The following ROCK2 variants were observed in gnomAD, a reference collection of about 807,000 sequenced individuals.
The protein encoded by ROCK2 is rho-associated protein kinase 2.
ROCK2 carries 61 observed loss-of-function variants against 195.1 expected under a neutral mutation model. That is an observed-to-expected ratio of 0.31 (90% CI 0.25 to 0.39). The LOEUF (loss-of-function observed/expected upper bound fraction) is 0.39, where lower values mean the gene tolerates loss of function less well. ROCK2 is among the 10% of genes least tolerant of loss of function. The pLI, the probability that ROCK2 is intolerant of heterozygous loss-of-function variation, is 1.00. For synonymous variants in ROCK2, 504 were observed against 545.5 expected (o/e 0.92, Z 1.06); for missense variants, 1,109 against 1,637.4 (o/e 0.68, Z 5.57).
chr2:11,227,747 G>C (rs934687927), intron 5 of ROCK2, among the ~76,000 whole-genome samples: 13 of 152,038 alleles, frequency 8.6e-5, no homozygotes, highest in African/African-American at 3.1e-4. Flanking sequence ...GTGGTCTTAA[G>C]GACACTGACC....
At chr2:11,213,169 T>A (rs1456847404) in intron 17 of ROCK2, among the ~76,000 whole-genome samples, 2 of 152,214 alleles carry the variant, frequency 1.3e-5, no homozygotes, top group Non-Finnish European at 2.9e-5. Context: ...TTATTCCTTA[T>A]CAGCATTACT....
chr2:11,329,713 T>A (rs1031239870), intron 1 of ROCK2, among the ~76,000 whole-genome samples: 2 of 130,732 alleles, frequency 1.5e-5, no homozygotes, highest in Middle Eastern at 3.7e-3. Flanking sequence ...AAAAAAAAAA[T>A]TGCTTGCAGC....
intron 32 of ROCK2, among the ~76,000 whole-genome samples, chr2:11,190,864 G>A (rs1430803022): frequency 6.6e-6 from 1 of 152,106 alleles, no homozygotes. Context: ...TTTACAGAAG[G>A]CACTTGAAAT....
In ROCK2 at chr2:11,201,941, A is replaced by G; in HGVS notation, c.2619+111T>C. 1 of 785,282 alleles carries G rather than the reference A, an allele frequency of 1.3e-6. No homozygotes were observed. 48.6% of individuals were successfully genotyped at this position (785,282 alleles called of 1,614,324 possible). A position where few individuals can be genotyped will look rare whatever the true frequency, so the allele number is the denominator to read the frequency against. ...AATGATAATAAATTTCTCTTAAACT[A>G]TCTACATTCTTTTGCCCAGCTGCTC... On this transcript the variant is annotated intron_variant, in intron 21 of 32. Transcript: ENST00000315872. The surrounding 1 kb of genome is among the most constrained non-coding windows in gnomAD (Gnocchi z 4.6).
At chr2:11,254,311 A>T (rs1243886570) in intron 3 of ROCK2, among the ~76,000 whole-genome samples, 1 of 152,194 alleles carries the variant, frequency 6.6e-6, no homozygotes, top group Non-Finnish European at 1.5e-5. Flanking sequence ...CTCTGATAAA[A>T]GTCAATATTG....
intron 1 of ROCK2, among the ~76,000 whole-genome samples, chr2:11,312,426 C>A (rs1668065178): frequency 1.3e-5 from 2 of 151,934 alleles, no homozygotes; most frequent in Admixed American, 1.3e-4. Flanking sequence ...CCTTAAAAAT[C>A]CCCCTCTCCT....
intron 16 of ROCK2, 59 bp downstream of exon 16, chr2:11,214,781 A>G: frequency 1.4e-6 from 2 of 1,473,136 alleles, no homozygotes; most frequent in Non-Finnish European, 1.8e-6. Flanking sequence ...CATCATCTAA[A>G]GTTATTTTTA....
intron 3 of ROCK2, among the ~76,000 whole-genome samples, chr2:11,259,080 A>T (rs943452339): frequency 2.6e-5 from 4 of 151,330 alleles, no homozygotes; most frequent in Non-Finnish European, 5.9e-5. Flanking sequence ...AGAAAGTTTG[A>T]GCTTTTAAGG....
intron 3 of ROCK2, among the ~76,000 whole-genome samples, chr2:11,266,509 A>G (rs1426485017): frequency 6.6e-6 from 1 of 152,200 alleles, no homozygotes; most frequent in African/African-American, 2.4e-5. Flanking sequence ...TGAGAATTCT[A>G]TCTGTAGAAA....
intron 1 of ROCK2, among the ~76,000 whole-genome samples, chr2:11,328,125 T>A (rs1668603048): frequency 6.6e-6 from 1 of 152,210 alleles, no homozygotes. Flanking sequence ...GTCCATCATC[T>A]ATGAGCCATA....
rs189379659 is a variant in ROCK2 at position 11,335,160 on chromosome 2, C to T, written c.141+8836G>A. ...ACACACACACACACAGACACACACA[C>T]GGAAGGGGAAGGCGGGGAATGAGAG... On this transcript the variant is annotated intron_variant, in intron 1 of 32. Coordinates refer to ENST00000315872, the MANE Select transcript of ROCK2 (RefSeq NM_004850.5). 3.9e-3 allele frequency among the ~76,000 whole-genome samples: 587 copies of T among 150,856 alleles called. 1 individual carries two copies. Among genetic ancestry groups the T allele is most frequent in the African/African-American group, 0.013 (525 of 41,022 alleles).
At chr2:11,183,739 CTTAG>C (rs1663090814) in intron 32 of ROCK2, among the ~76,000 whole-genome samples, 1 of 61,424 alleles carries the variant, frequency 1.6e-5, no homozygotes, top group Admixed American at 1.9e-4. Flanking sequence ...CACAGAATAA[CTTAG>C]AAGATAAAAG....
intron 1 of ROCK2, among the ~76,000 whole-genome samples, chr2:11,294,325 C>A (rs761858554): frequency 2.6e-5 from 4 of 152,154 alleles, no homozygotes; most frequent in Non-Finnish European, 5.9e-5. Context: ...GATAATAAAG[C>A]AGCTGCTATT....
At position 11,201,662 on chromosome 2, in the gene ROCK2, C is replaced by T. The variant is rs1182322255; in HGVS notation, c.2620-249G>A. ...CAGTGATATTTCTCATTTAATAGCACAGATAGGTAAAATGAATAAGGAGGC... is the reference window on the plus strand; with the variant it reads ...CAGTGATATTTCTCATTTAATAGCATAGATAGGTAAAATGAATAAGGAGGC... On this transcript the variant is annotated intron_variant, in intron 21 of 32. Transcript: ENST00000315872. This position sits in a 1 kb window ranked among gnomAD's most constrained non-coding sequence, Gnocchi z 4.6. 6.6e-6 allele frequency among the ~76,000 whole-genome samples: 1 copy of T among 151,948 alleles called. No homozygotes were observed. Among genetic ancestry groups the T allele is most frequent in the African/African-American group, 2.4e-5 (1 of 41,366 alleles).
At chr2:11,266,608 A>G (rs747854132) in intron 3 of ROCK2, among the ~76,000 whole-genome samples, 6 of 152,170 alleles carry the variant, frequency 3.9e-5, no homozygotes, top group Non-Finnish European at 4.4e-5. Flanking sequence ...CTATTATAAA[A>G]CTTTCTTCAA....
chr2:11,292,245 C>A (rs1667384622), intron 1 of ROCK2, among the ~76,000 whole-genome samples: 1 of 152,106 alleles, frequency 6.6e-6, no homozygotes, highest in South Asian at 2.1e-4. Flanking sequence ...AGCCTACCTA[C>A]CAAAAACTTT....
At chr2:11,286,748 A>C in intron 2 of ROCK2, 109 bp from the exon 3 acceptor site, 1 of 641,826 alleles carries the variant, frequency 1.6e-6, no homozygotes, top group Middle Eastern at 4.5e-4. Context: ...TTTTAGCTAA[A>C]CTTGCCAGTT....
intron 1 of ROCK2, among the ~76,000 whole-genome samples, chr2:11,324,425 A>AAAAAC (rs55779313): frequency 0.73 from 110,563 of 150,684 alleles, 42,021 homozygotes; most frequent in East Asian, 0.97. Context: ...CTCCGTCTCA[A>AAAAAC]AAAACAAAAC....
At chr2:11,206,375 C>T (rs1286423961) in intron 20 of ROCK2, among the ~76,000 whole-genome samples, 1 of 152,050 alleles carries the variant, frequency 6.6e-6, no homozygotes, top group African/African-American at 2.4e-5. Context: ...AGATGATTAA[C>T]TAGCTCTTAC....
Sources: gnomAD v4.1 joint callset for allele counts (sites outside exome capture counted in the v4.1 genomes callset) on GRCh38, gnomAD v4.1.1 for gene constraint, Gnocchi (gnomAD v3.1) non-coding constraint, MANE v1.5 for transcripts, NCBI Gene and HGNC (gene_info 2026-07-23, HGNC 2026-07-21) for gene names.